The following PRKCA variants were observed in gnomAD, a reference collection of about 807,000 sequenced individuals.
PRKCA encodes protein kinase C alpha type.
Under a neutral mutation model 87.0 loss-of-function variants are expected in PRKCA, and 27 were observed. The ratio of observed to expected loss-of-function variants is 0.31; its 90% CI spans 0.23 to 0.43. The LOEUF is 0.43. Ranked by LOEUF, PRKCA falls within the 20% of genes least tolerant of loss-of-function variation. PRKCA has a pLI of 1.00. For missense variants in PRKCA, 518 were observed against 852.3 expected, an observed-to-expected ratio of 0.61 and a Z score of 4.88; for synonymous variants, 329 against 311.1, an observed-to-expected ratio of 1.06 and a Z score of -0.61.
intron 15 of PRKCA, 151 bp downstream of exon 15, chr17:66,787,125 C>G (rs1460898314): frequency 1.3e-6 from 1 of 786,540 alleles, no homozygotes; most frequent in African/African-American, 1.7e-5. Flanking sequence ...GTGTCATGCC[C>G]CAAGATAACC....
chr17:66,645,588 G>A, intron 5 of PRKCA, 77 bp downstream of exon 5: 1 of 1,584,338 alleles, frequency 6.3e-7, no homozygotes, highest in Non-Finnish European at 8.6e-7. Context: ...AGGCAGGGTG[G>A]GGGCTGGGCT....
intron 14 of PRKCA, among the ~76,000 whole-genome samples, chr17:66,784,881 C>T (rs2144370802): frequency 6.6e-6 from 1 of 152,252 alleles, no homozygotes; most frequent in South Asian, 2.1e-4. Context: ...CCCAAGCTGC[C>T]CTGGGGGCCT....
intron 3 of PRKCA, among the ~76,000 whole-genome samples, chr17:66,550,243 A>T (rs770193203): frequency 3.3e-5 from 5 of 152,190 alleles, no homozygotes; most frequent in African/African-American, 4.8e-5. Flanking sequence ...GCATTCTCTC[A>T]CAAAGGCTTC....
intron 3 of PRKCA, among the ~76,000 whole-genome samples, chr17:66,508,583 T>TAACACCCAGCTGTCCTCTGC (rs1313906477): frequency 6.6e-6 from 1 of 152,226 alleles, no homozygotes; most frequent in Non-Finnish European, 1.5e-5. Context: ...GATCATGGTG[T>TAACACCCAGCTGTCCTCTGC]AACACCCAGC....
intron 2 of PRKCA, among the ~76,000 whole-genome samples, chr17:66,321,727 A>G (rs916986120): frequency 4.6e-5 from 7 of 152,108 alleles, no homozygotes; most frequent in Non-Finnish European, 1.0e-4. Flanking sequence ...TATTTTTAGT[A>G]GAGACAGGGT....
rs1976038167 is a variant in PRKCA, at chr17:66,806,629, G to A, written c.*2592G>A. On this transcript the variant is annotated 3_prime_UTR_variant, in exon 17 of 17. Transcript: ENST00000413366. The stretch of plus-strand genomic sequence containing the variant: ...GAAGATCCCACGGAGGAACACATGA[G>A]GTTAGGGACCCTTGTTCAGCACCCC... The A allele has an allele frequency of 6.6e-6, 1 of 152,436 alleles. No individual in the cohort carries two copies. Among genetic ancestry groups the A allele is most frequent in the African/African-American group, 2.4e-5 (1 of 41,428 alleles). 9.4% of individuals were successfully genotyped at this position (152,436 alleles called of 1,614,324 possible). A position where few individuals can be genotyped will look rare whatever the true frequency, so the allele number is the denominator to read the frequency against.
chr17:66,657,508 G>A (rs1971767963), intron 5 of PRKCA, among the ~76,000 whole-genome samples: 1 of 152,136 alleles, frequency 6.6e-6, no homozygotes. Context: ...CTTTTTCTGG[G>A]AAATGCCGCA....
intron 3 of PRKCA, among the ~76,000 whole-genome samples, chr17:66,497,021 G>A (rs1416772086): frequency 6.6e-6 from 1 of 152,186 alleles, no homozygotes; most frequent in East Asian, 1.9e-4. Context: ...ACTGCTCCTG[G>A]TTTACTCCAG....
In PRKCA at chr17:66,414,328, G is replaced by C. The variant is rs144382289; in HGVS notation, c.206-81873G>C. ...GTTTAAAAGTGTGTAGCACCTCCCTGCTCCCTCTTTCTTCCTCCTGCTTCT... is the reference window on the plus strand; with the variant it reads ...GTTTAAAAGTGTGTAGCACCTCCCTCCTCCCTCTTTCTTCCTCCTGCTTCT... On this transcript the variant is annotated intron_variant, in intron 2 of 16. Transcript: ENST00000413366. 5.2e-3 allele frequency among the ~76,000 whole-genome samples: 789 copies of C among 152,192 alleles called. 4 individuals are homozygous for C. The highest frequency in any genetic ancestry group is 0.018 in the African/African-American group (750 of 41,528).
chr17:66,777,256 C>T, intron 14 of PRKCA: 1 of 985,370 alleles, frequency 1.0e-6, no homozygotes, highest in Non-Finnish European at 1.2e-6. Flanking sequence ...GGATGGGAGG[C>T]TGTGGATGAT....
intron 2 of PRKCA, among the ~76,000 whole-genome samples, chr17:66,337,395 C>G (rs1176702081): frequency 6.6e-6 from 1 of 151,860 alleles, no homozygotes; most frequent in East Asian, 1.9e-4. Flanking sequence ...TGTGGTAGAT[C>G]TAAGGTTTTG....
At chr17:66,348,026 C>T (rs1294624912) in intron 2 of PRKCA, among the ~76,000 whole-genome samples, 1 of 139,348 alleles carries the variant, frequency 7.2e-6, no homozygotes, top group Admixed American at 8.3e-5. Context: ...ACTGCAACCT[C>T]CACCTCCTGG....
At chr17:66,624,112 G>C (rs1195053803) in intron 3 of PRKCA, among the ~76,000 whole-genome samples, 1 of 152,094 alleles carries the variant, frequency 6.6e-6, no homozygotes, top group East Asian at 1.9e-4. Flanking sequence ...AGGCACTGGG[G>C]AGTGACTAGA....
chr17:66,462,273 G>C (rs1000091924), intron 2 of PRKCA, among the ~76,000 whole-genome samples: 2 of 152,040 alleles, frequency 1.3e-5, no homozygotes, highest in Non-Finnish European at 2.9e-5. Context: ...CTCCTATTTT[G>C]TAGTACACAA....
intron 5 of PRKCA, among the ~76,000 whole-genome samples, chr17:66,679,253 T>C (rs1274690822): frequency 2.0e-5 from 3 of 147,510 alleles, no homozygotes; most frequent in Non-Finnish European, 4.4e-5. Flanking sequence ...CAATCTGGGC[T>C]CACTGCAAGC....
chr17:66,337,510 C>T (rs1017275320), intron 2 of PRKCA, among the ~76,000 whole-genome samples: 1 of 152,100 alleles, frequency 6.6e-6, no homozygotes, highest in Non-Finnish European at 1.5e-5. Flanking sequence ...GTGCTTCAGC[C>T]TCCTCAGTAG....
At position 66,645,478 on chromosome 17, in the gene PRKCA, G is replaced by A. The variant is rs749323079; in HGVS notation, c.496G>A (p.Ala166Thr). ...TEKRGRIYLKAEVADEKLHVT... is the reference protein window; with the variant it reads ...TEKRGRIYLKTEVADEKLHVT... ...GAAGAGGGGGCGGATTTACCTAAAG[G>A]CTGAGGTTGCTGATGAAAAGCTCCA... Residue 166 changes from alanine (A) to threonine (T), a missense_variant, in exon 5 of 17, where the codon GCT becomes ACT. Around this residue, in one of 5 missense-constraint regions of PRKCA, gnomAD observed 300 missense variants for 496.8 expected, o/e 0.60. Coordinates refer to ENST00000413366, the MANE Select transcript of PRKCA (RefSeq NM_002737.3). 6.2e-7 allele frequency: 1 copy of A among 1,614,204 alleles called. No individual in the cohort carries two copies. Among genetic ancestry groups the A allele is most frequent in the Non-Finnish European group, 8.5e-7 (1 of 1,180,032 alleles).
intron 2 of PRKCA, among the ~76,000 whole-genome samples, chr17:66,410,819 G>A (rs1177131946): frequency 6.6e-6 from 1 of 152,038 alleles, no homozygotes; most frequent in Non-Finnish European, 1.5e-5. Flanking sequence ...CAGGCGATCC[G>A]CCCACCTTGG....
chr17:66,408,810 T>C (rs575131628), intron 2 of PRKCA, among the ~76,000 whole-genome samples: 1 of 151,958 alleles, frequency 6.6e-6, no homozygotes, highest in East Asian at 1.9e-4. Context: ...TCCCAACACT[T>C]TGGGAGGCCG....
Sources: gnomAD v4.1 joint callset for allele counts (sites outside exome capture counted in the v4.1 genomes callset) on GRCh38, gnomAD v4.1.1 for gene constraint, gnomAD v4.1.1 regional missense constraint, MANE v1.5 for transcripts, NCBI Gene and HGNC (gene_info 2026-07-23, HGNC 2026-07-21) for gene names.